CYTH3: variants seen among roughly 807,000 people sequenced by gnomAD.
The protein encoded by CYTH3 is cytohesin-3.
In CYTH3, 23 loss-of-function variants were observed where a neutral mutation model predicts 55.1. The observed-to-expected ratio is 0.42, with a 90% CI of 0.30 to 0.59. The LOEUF (loss-of-function observed/expected upper bound fraction) is 0.59, where lower values mean the gene tolerates loss of function less well. Ranked by LOEUF, CYTH3 falls within the 20% of genes least tolerant of loss-of-function variation. The pLI, the probability that CYTH3 is intolerant of heterozygous loss-of-function variation, is 0.20. For synonymous variants in CYTH3, 249 were observed against 194.9 expected, an observed-to-expected ratio of 1.28 and a Z score of -2.31; for missense variants, 413 against 524.8, an observed-to-expected ratio of 0.79 and a Z score of 2.08.
intron 1 of CYTH3, among the ~76,000 whole-genome samples, chr7:6,259,774 A>ATATATATAT (rs1562417568): frequency 8.8e-5 from 2 of 22,712 alleles, no homozygotes; most frequent in Admixed American, 7.8e-4. Context: ...TATATATATT[A>ATATATATAT]TATATATATA....
intron 1 of CYTH3, among the ~76,000 whole-genome samples, chr7:6,238,253 A>G (rs569007001): frequency 1.3e-5 from 2 of 152,312 alleles, no homozygotes; most frequent in South Asian, 4.1e-4. Flanking sequence ...GAATCTTAGT[A>G]TACATTTAAT....
intron 1 of CYTH3, among the ~76,000 whole-genome samples, chr7:6,246,315 C>G (rs929486003): frequency 1.1e-4 from 16 of 151,916 alleles, no homozygotes; most frequent in African/African-American, 3.6e-4. Flanking sequence ...GTGTTCCTCC[C>G]GCCTCAACTC....
At chr7:6,172,128 G>C (rs1179457275) in intron 6 of CYTH3, 1 of 152,486 alleles carries the variant, frequency 6.6e-6, no homozygotes, top group African/African-American at 2.4e-5. Flanking sequence ...TCAAGACCGA[G>C]TTAGACCTTG....
chr7:6,259,794 TA>T (rs1562417751), intron 1 of CYTH3, among the ~76,000 whole-genome samples: 6 of 18,056 alleles, frequency 3.3e-4, no homozygotes, highest in African/African-American at 1.6e-3. Context: ...AATATATATA[TA>T]TATATATATA....
chr7:6,253,425 T>C (rs1251206893), intron 1 of CYTH3, among the ~76,000 whole-genome samples: 1 of 150,240 alleles, frequency 6.7e-6, no homozygotes, highest in Non-Finnish European at 1.5e-5. Context: ...GCCAGGCTGG[T>C]CTTGAACTCC....
At chr7:6,168,954 C>T (rs983032517) in intron 9 of CYTH3, among the ~76,000 whole-genome samples, 8 of 152,176 alleles carry the variant, frequency 5.3e-5, no homozygotes, top group Admixed American at 3.9e-4. Context: ...CCGGCATTTC[C>T]GGTTACATTC....
chr7:6,186,696 C>T (rs1783659849), intron 4 of CYTH3, among the ~76,000 whole-genome samples: 1 of 152,192 alleles, frequency 6.6e-6, no homozygotes, highest in Non-Finnish European at 1.5e-5. Flanking sequence ...TCACGTGATT[C>T]CCTGACCCAG....
In CYTH3 at chr7:6,165,029, G is replaced by A; in HGVS notation, c.1128-13C>T. The A allele has an allele frequency of 1.2e-6, 2 of 1,614,174 alleles. No homozygotes were observed. On this transcript the variant is annotated splice_polypyrimidine_tract_variant and intron_variant, in intron 12 of 12. Coordinates refer to ENST00000350796, the MANE Select transcript of CYTH3 (RefSeq NM_004227.4). Reference sequence around the variant, plus strand: ...GCTGATACTGGCTCTGGTGAAAAAAGGAAAACACACAGGTTAGGTCGTGGG... The same window carrying A: ...GCTGATACTGGCTCTGGTGAAAAAAAGAAAACACACAGGTTAGGTCGTGGG...
At chr7:6,259,447 T>C (rs1025091761) in intron 1 of CYTH3, among the ~76,000 whole-genome samples, 1 of 151,932 alleles carries the variant, frequency 6.6e-6, no homozygotes, top group African/African-American at 2.4e-5. Flanking sequence ...GGAAAGTAAA[T>C]CAAAATATCT....
At chr7:6,236,364 CTTTTT>C (rs34013002) in intron 1 of CYTH3, among the ~76,000 whole-genome samples, 1 of 122,316 alleles carries the variant, frequency 8.2e-6, no homozygotes, top group African/African-American at 3.1e-5. Flanking sequence ...CTACGCCTGA[CTTTTT>C]TTTTTTTTTT....
chr7:6,163,796 T>C lies in CYTH3; in HGVS notation c.*1148A>G, dbSNP rs1328934851. ...GTGAGACTGTTTTTAGTTAATTCTG[T>C]GTCTATTCATTAAGAAATCTGGTCA... On this transcript the variant is annotated 3_prime_UTR_variant, in exon 13 of 13. Transcript: ENST00000350796. 6.6e-6 allele frequency: 1 copy of C among 152,172 alleles called. No homozygotes were observed. The highest frequency in any genetic ancestry group is 1.5e-5 in the Non-Finnish European group (1 of 68,020). The allele number at this position is 152,172 out of a possible 1,614,324, so 9.4% of individuals were successfully genotyped here.
chr7:6,253,556 G>C (rs183291539), intron 1 of CYTH3, among the ~76,000 whole-genome samples: 2 of 152,004 alleles, frequency 1.3e-5, no homozygotes, highest in Non-Finnish European at 2.9e-5. Flanking sequence ...GGTGGCTCAC[G>C]CCTGTAATCC....
rs565965256 is a variant in CYTH3 at position 6,177,703 on chromosome 7, A to T, written c.368+120T>A. On this transcript the variant is annotated intron_variant, in intron 5 of 12. Transcript: ENST00000350796. ...TATTGAGACGGGCATGTGGATGCCCACAGCCCGTGGCTCTATCATGCCTTT... is the reference window on the plus strand; with the variant it reads ...TATTGAGACGGGCATGTGGATGCCCTCAGCCCGTGGCTCTATCATGCCTTT... 3 of 750,878 alleles carry T rather than the reference A, an allele frequency of 4.0e-6. No individual in the cohort carries two copies. The South Asian group carries it at 5.3e-5, about 13-fold the overall frequency. The allele number at this position is 750,878 out of a possible 1,614,324, so 46.5% of individuals were successfully genotyped here.
At chr7:6,235,907 G>A (rs1056903318) in intron 1 of CYTH3, among the ~76,000 whole-genome samples, 11 of 152,180 alleles carry the variant, frequency 7.2e-5, no homozygotes, top group Non-Finnish European at 1.3e-4. Context: ...GTACAGGGCA[G>A]TAGCTCCAAT....
At chr7:6,241,617 A>G (rs1336600878) in intron 1 of CYTH3, among the ~76,000 whole-genome samples, 2 of 151,588 alleles carry the variant, frequency 1.3e-5, no homozygotes, top group African/African-American at 4.9e-5. Flanking sequence ...TCTCTACAAC[A>G]TAATAGCGAA....
At chr7:6,214,221 G>A (rs1784381068) in intron 1 of CYTH3, among the ~76,000 whole-genome samples, 1 of 152,186 alleles carries the variant, frequency 6.6e-6, no homozygotes, top group African/African-American at 2.4e-5. Flanking sequence ...GGTTAATCGT[G>A]GAGCCTAGGT....
At chr7:6,182,224 A>AT (rs1554356834) in intron 4 of CYTH3, among the ~76,000 whole-genome samples, 1 of 151,760 alleles carries the variant, frequency 6.6e-6, no homozygotes, top group Non-Finnish European at 1.5e-5. Flanking sequence ...ATTTTTTTCT[A>AT]TTTTTAGTAG....
chr7:6,215,139 A>G (rs755026156), intron 1 of CYTH3, among the ~76,000 whole-genome samples: 1 of 152,206 alleles, frequency 6.6e-6, no homozygotes, highest in Non-Finnish European at 1.5e-5. Context: ...ACTCCACAAC[A>G]TGGAGCACAT....
At chr7:6,224,149 C>G (rs576700810) in intron 1 of CYTH3, among the ~76,000 whole-genome samples, 1 of 152,108 alleles carries the variant, frequency 6.6e-6, no homozygotes, top group South Asian at 2.1e-4. Flanking sequence ...TCCTGAGTAG[C>G]TGGGACTACA....
Sources: gnomAD v4.1 joint callset for allele counts (sites outside exome capture counted in the v4.1 genomes callset) on GRCh38, gnomAD v4.1.1 for gene constraint, MANE v1.5 for transcripts, NCBI Gene and HGNC (gene_info 2026-07-23, HGNC 2026-07-21) for gene names.